VPS9D1: variants seen among roughly 807,000 people sequenced by gnomAD.
VPS9D1 encodes the protein VPS9 domain-containing protein 1.
In VPS9D1, 78 loss-of-function variants were observed where a neutral mutation model predicts 75.8. The ratio of observed to expected loss-of-function variants is 1.03; its 90% CI spans 0.86 to 1.24. The LOEUF (loss-of-function observed/expected upper bound fraction) is 1.24, where lower values mean the gene tolerates loss of function less well. VPS9D1 is among the 50% of genes most tolerant of loss of function. The pLI is 0.00. For missense variants in VPS9D1, 1,057 were observed against 847.7 expected, an observed-to-expected ratio of 1.25 and a Z score of -3.07; for synonymous variants, 481 against 385.6, an observed-to-expected ratio of 1.25 and a Z score of -2.90.
At chr16:89,708,099 G>A in intron 14 of VPS9D1, 145 bp from the exon 15 acceptor site, 1 of 775,592 alleles carries the variant, frequency 1.3e-6, no homozygotes, top group Non-Finnish European at 2.2e-6. Flanking sequence ...CTGGGCTAGA[G>A]GAGGCCTTTC....
Position 89,716,568 on chromosome 16 carries a change from C to A in VPS9D1, c.325G>T (p.Gly109Cys). Reference sequence around the variant, plus strand: ...TCGGAGTATACACGGCGGTGTCGGCCGGCAGGCTGGGGAATGGGAGCAGCT... The same window carrying A: ...TCGGAGTATACACGGCGGTGTCGGCAGGCAGGCTGGGGAATGGGAGCAGCT... The part of the protein sequence containing the change: ...PAAAPIPQPA[G>C]RHRRVYSDEG... Residue 109 changes from glycine to cysteine, a missense_variant, in exon 4 of 15, where the codon GGC becomes TGC. Transcript: ENST00000389386. 1.3e-5 allele frequency: 21 copies of A among 1,613,958 alleles called. No individual in the cohort carries two copies. The highest frequency in any genetic ancestry group is 1.8e-5 in the Non-Finnish European group (21 of 1,179,938).
At chr16:89,719,447 A>T in intron 1 of VPS9D1, 1 of 449,140 alleles carries the variant, frequency 2.2e-6, no homozygotes, top group East Asian at 6.2e-5. Flanking sequence ...TGACCTCAGC[A>T]GTTTGCTGTC....
intron 2 of VPS9D1, 86 bp from the exon 3 acceptor site, chr16:89,716,908 G>GGCAA: frequency 7.6e-7 from 1 of 1,309,922 alleles, no homozygotes; most frequent in Non-Finnish European, 1.0e-6. Flanking sequence ...GGAAAAGGCA[G>GGCAA]GCAAGCCCAC....
intron 4 of VPS9D1, 66 bp downstream of exon 4, chr16:89,716,396 C>T: frequency 6.3e-7 from 1 of 1,599,424 alleles, no homozygotes; most frequent in East Asian, 2.2e-5. Context: ...CTGTCATCAG[C>T]TCATCTTTCT....
chr16:89,716,756 C>G lies in VPS9D1; in HGVS notation c.242G>C (p.Arg81Thr). ...AAGCTTGGCGGCCGTCGACTGGGCC[C>G]TCTCCAGACACTGCTGTGCTAGCTT... ...MLKLAQQCLE[R>T]AQSTAAKLGK... The change falls in exon 3 of 15, where the codon AGG (arginine) becomes ACG (threonine). Residue 81 changes from arginine to threonine, a missense_variant. By Grantham distance (71) the Arg-to-Thr change is moderately conservative. Transcript: ENST00000389386. 1.3e-6 allele frequency: 2 copies of G among 1,591,182 alleles called. No individual in the cohort carries two copies. The highest frequency in any genetic ancestry group is 1.7e-6 in the Non-Finnish European group (2 of 1,170,122).
At chr16:89,717,440 C>T (rs771406685) in intron 2 of VPS9D1, 10 of 404,678 alleles carry the variant, frequency 2.5e-5, no homozygotes, top group South Asian at 3.5e-5. Flanking sequence ...CCTGCCTTCC[C>T]GTAGCTTGGC....
chr16:89,709,129 G>C, intron 12 of VPS9D1, 98 bp downstream of exon 12: 2 of 1,514,610 alleles, frequency 1.3e-6, no homozygotes, highest in Non-Finnish European at 1.8e-6. Context: ...CCTCCCCACC[G>C]GCACGTGACA....
At chr16:89,712,293 G>A (rs2060950347) in intron 6 of VPS9D1, 167 bp downstream of exon 6, 1 of 1,327,374 alleles carries the variant, frequency 7.5e-7, no homozygotes, top group Non-Finnish European at 1.0e-6. Flanking sequence ...ATGGGGGACG[G>A]CGGCCGGGCC....
At chr16:89,712,206 T>C (rs1455790840) in intron 6 of VPS9D1, 107 bp from the exon 7 acceptor site, 1 of 1,485,026 alleles carries the variant, frequency 6.7e-7, no homozygotes, top group African/African-American at 1.4e-5. Context: ...CTCCTCTCGG[T>C]GAGGGGCTGT....
Position 89,709,293 on chromosome 16 carries a change from C to T in VPS9D1, c.1531G>A (p.Ala511Thr), listed in dbSNP as rs759181367. 1.4e-5 allele frequency: 22 copies of T among 1,609,498 alleles called. No individual in the cohort carries two copies. Among genetic ancestry groups the T allele is most frequent in the African/African-American group, 4.0e-5 (3 of 74,842 alleles). The part of the protein sequence containing the change: ...AKGATGYPYC[A>T]AAQELGLLVL... ...AGCAGTCCGAGCTCCTGGGCCGCCG[C>T]GCAGTAGGGGTAGCCAGTGGCCCCC... The change falls in exon 12 of 15, where the codon GCG (alanine) becomes ACG (threonine). Residue 511 changes from alanine to threonine, a missense_variant. Ala to Thr is a moderately conservative substitution (Grantham distance 58). Coordinates refer to ENST00000389386, the MANE Select transcript of VPS9D1 (RefSeq NM_004913.3).
At chr16:89,708,060 A>AACT in intron 14 of VPS9D1, 106 bp from the exon 15 acceptor site, 2 of 1,126,688 alleles carry the variant, frequency 1.8e-6, no homozygotes, top group Non-Finnish European at 2.6e-6. Flanking sequence ...CTGGGTGCTG[A>AACT]GGGTGGGCAG....
Position 89,708,490 on chromosome 16 carries a change from A to C in VPS9D1, c.1739T>G (p.Leu580Arg). 1 of 1,613,162 alleles carries C rather than the reference A, an allele frequency of 6.2e-7. No homozygotes were observed. Among genetic ancestry groups the C allele is most frequent in the Non-Finnish European group, 8.5e-7 (1 of 1,179,908 alleles). The part of the protein sequence containing the change: ...DLLPILSFVV[L>R]RSGLPQLVSE... ...CACCAGCTGAGGGAGGCCGCTCCTC[A>C]GCACCACGAAGGACAGGATGGGCAG... Residue 580 changes from leucine to arginine, a missense_variant, in exon 14 of 15, where the codon CTG becomes CGG. Coordinates refer to ENST00000389386, the MANE Select transcript of VPS9D1 (RefSeq NM_004913.3).
rs557032960 is a variant in VPS9D1, at chr16:89,708,954, G to A, written c.1600C>T (p.Arg534Trp). The change falls in exon 13 of 15, where the codon CGG becomes TGG. Residue 534 changes from arginine (R) to tryptophan (W), a missense_variant and splice_region_variant. Transcript: ENST00000389386. ...CPQKKLECIV[R>W]TLRIICVCAE... ...CAGACACAGATGATCCGCAGGGTCC[G>A]CACTGCGCCCCAGACAGGGTTTCAG... 9 of 1,598,516 alleles carry A rather than the reference G, an allele frequency of 5.6e-6. No individual in the cohort carries two copies. Among genetic ancestry groups the A allele is most frequent in the South Asian group, 2.3e-5 (2 of 88,762 alleles).
intron 2 of VPS9D1, 77 bp downstream of exon 2, chr16:89,718,950 G>A: frequency 7.7e-7 from 1 of 1,299,650 alleles, no homozygotes; most frequent in Non-Finnish European, 1.1e-6. Flanking sequence ...CCTGACCTCA[G>A]GTGATAGCCC....
rs1298567692 is a variant in VPS9D1 at position 89,710,889 on chromosome 16, T to TG, written c.954dup (p.Asn319GlnfsTer73). On this transcript the variant is annotated frameshift_variant, in exon 10 of 15. Transcript: ENST00000389386. LOFTEE classifies it high-confidence loss of function. ...GGCCGCAGCCGTCGGCTTCCGGGGT[T>TG]GGGGGTCGGGGGGCAGCAGCCTGGG... 2 of 1,407,808 alleles carry TG rather than the reference T, an allele frequency of 1.4e-6. No individual in the cohort carries two copies. Among genetic ancestry groups the TG allele is most frequent in the South Asian group, 1.3e-5 (1 of 74,900 alleles). 87.2% of individuals were successfully genotyped at this position (1,407,808 alleles called of 1,614,324 possible).
chr16:89,709,214 C>G lies in VPS9D1; in HGVS notation c.1597+13G>C, dbSNP rs368872112. 1.4e-5 allele frequency: 22 copies of G among 1,611,730 alleles called. No individual in the cohort carries two copies. Among genetic ancestry groups the G allele is most frequent in the Admixed American group, 3.3e-5 (2 of 59,968 alleles). ...GGAGCCTGTCCCTCCCCCTGACTCT[C>G]GAACCTGCTGACCTATGCACTCCAG... On this transcript the variant is annotated intron_variant, in intron 12 of 14. Transcript: ENST00000389386.
Position 89,710,992 on chromosome 16 carries a change from G to T in VPS9D1, c.852C>A (p.Ile284=). The change falls in exon 10 of 15, where the codon ATC becomes ATA. Residue 284 remains isoleucine (I), a synonymous_variant. Coordinates refer to ENST00000389386, the MANE Select transcript of VPS9D1 (RefSeq NM_004913.3). ...ACTGCAGCCGCCTCAGGAGCTGCGC[G>T]ATCGGGTGGTCGGGGAGGCTGCGGG... The part of the protein sequence containing the change: ...SHLLSLPDHP[I]AQLLRRLQCS... 6.9e-7 allele frequency: 1 copy of T among 1,440,278 alleles called. No homozygotes were observed. The highest frequency in any genetic ancestry group is 1.5e-5 in the South Asian group (1 of 68,640). The allele number at this position is 1,440,278 out of a possible 1,614,324, so 89.2% of individuals were successfully genotyped here. A position where few individuals can be genotyped will look rare whatever the true frequency, so the allele number is the denominator to read the frequency against.
intron 1 of VPS9D1, chr16:89,719,410 T>A (rs566882562): frequency 1.0e-4 from 54 of 515,322 alleles, no homozygotes; most frequent in African/African-American, 1.0e-3. Context: ...CAGGAACTGA[T>A]ATTCTCATTC....
At position 89,711,018 on chromosome 16, in the gene VPS9D1, A is replaced by T. The variant is rs1197537984; in HGVS notation, c.834-8T>A. On this transcript the variant is annotated splice_region_variant and splice_polypyrimidine_tract_variant and intron_variant, in intron 9 of 14. Coordinates refer to ENST00000389386, the MANE Select transcript of VPS9D1 (RefSeq NM_004913.3). The stretch of plus-strand genomic sequence containing the variant: ...ATCGGGTGGTCGGGGAGGCTGCGGG[A>T]GAAGAGGACGTGAGAACGCGGCCAG... 3 of 1,436,714 alleles carry T rather than the reference A, an allele frequency of 2.1e-6. No homozygotes were observed. The highest frequency in any genetic ancestry group is 9.1e-7 in the Non-Finnish European group (1 of 1,100,354). The allele number at this position is 1,436,714 out of a possible 1,614,324, so 89.0% of individuals were successfully genotyped here.
Sources: allele counts gnomAD v4.1 joint callset, GRCh38; gene constraint gnomAD v4.1.1; transcripts MANE v1.5; gene names NCBI Gene and HGNC (gene_info 2026-07-23, HGNC 2026-07-21).